Variants in IGSF10 observed in about 807,000 individuals in gnomAD.
IGSF10 encodes the protein immunoglobulin superfamily member 10, also known as calvaria mechanical force protein 608.
Under a neutral mutation model 128.2 loss-of-function variants are expected in IGSF10, and 126 were observed. That is an observed-to-expected ratio of 0.98 (90% CI 0.85 to 1.14). The LOEUF (loss-of-function observed/expected upper bound fraction) is 1.14, where lower values mean the gene tolerates loss of function less well. Ranked by LOEUF, IGSF10 falls within the 50% of genes most tolerant of loss-of-function variation. IGSF10 has a pLI of 0.00. For synonymous variants in IGSF10, 1,185 were observed against 1,146.2 expected (o/e 1.03, Z -0.68); for missense variants, 3,295 against 3,149.8 (o/e 1.05, Z -1.10).
the IGSF10 span, among the ~76,000 whole-genome samples, chr3:151,608,731 A>C: frequency 6.6e-6 from 1 of 152,196 alleles, no homozygotes; most frequent in African/African-American, 2.4e-5. Context: ...AATAAGGAGA[A>C]TATTTCCCTT....
At chr3:151,449,699 G>A (rs1179175169) in intron 5 of IGSF10, among the ~76,000 whole-genome samples, 2 of 152,156 alleles carry the variant, frequency 1.3e-5, no homozygotes, top group African/African-American at 4.8e-5. Flanking sequence ...AAGATAAGCT[G>A]TTTATTAAAG....
At chr3:151,454,611 C>G (rs967771462) in intron 4 of IGSF10, among the ~76,000 whole-genome samples, 7 of 150,914 alleles carry the variant, frequency 4.6e-5, no homozygotes, top group Admixed American at 4.6e-4. Flanking sequence ...CTTAGTATTT[C>G]AAGTAAATTT....
the IGSF10 span, among the ~76,000 whole-genome samples, chr3:151,570,980 A>T: frequency 5.3e-5 from 8 of 152,148 alleles, no homozygotes; most frequent in Non-Finnish European, 1.0e-4. Flanking sequence ...AGCACCATTT[A>T]TTAAATAGGG....
the IGSF10 span, among the ~76,000 whole-genome samples, chr3:151,566,226 T>A: frequency 3.9e-5 from 6 of 152,030 alleles, no homozygotes; most frequent in Non-Finnish European, 7.4e-5. Flanking sequence ...GTTTATGAAT[T>A]AGGAAGCAGG....
At chr3:151,578,579 G>T in the IGSF10 span, among the ~76,000 whole-genome samples, 1 of 152,160 alleles carries the variant, frequency 6.6e-6, no homozygotes, top group Non-Finnish European at 1.5e-5. Flanking sequence ...TGAGATCAAG[G>T]CAGTAGACCA....
the IGSF10 span, among the ~76,000 whole-genome samples, chr3:151,571,190 T>C: frequency 0.071 from 10,759 of 152,176 alleles, 851 homozygotes; most frequent in African/African-American, 0.19. Flanking sequence ...GTTCTTTTGG[T>C]TTAAGATTGT....
At chr3:151,515,621 T>TA in the IGSF10 span, among the ~76,000 whole-genome samples, 40 of 150,868 alleles carry the variant, frequency 2.7e-4, no homozygotes, top group African/African-American at 9.2e-4. Context: ...AAGTATAATA[T>TA]AAAAAATAAA....
At chr3:151,513,500 C>G in the IGSF10 span, among the ~76,000 whole-genome samples, 26 of 152,288 alleles carry the variant, frequency 1.7e-4, no homozygotes, top group African/African-American at 6.0e-4. Context: ...ATGACAGACC[C>G]TCAGCCAATA....
At chr3:151,570,964 T>G in the IGSF10 span, among the ~76,000 whole-genome samples, 1 of 152,226 alleles carries the variant, frequency 6.6e-6, no homozygotes, top group Non-Finnish European at 1.5e-5. Flanking sequence ...GCTAGCCAGT[T>G]TTCCCAGCAC....
the IGSF10 span, among the ~76,000 whole-genome samples, chr3:151,618,171 T>C: frequency 6.6e-6 from 1 of 152,094 alleles, no homozygotes; most frequent in Non-Finnish European, 1.5e-5. Flanking sequence ...GATCTCTCTC[T>C]CTCACTGTGG....
At chr3:151,465,586 A>G (rs1021341803), upstream of IGSF10, among the ~76,000 whole-genome samples, 3 of 152,228 alleles carry the variant, frequency 2.0e-5, no homozygotes, top group Non-Finnish European at 4.4e-5. Flanking sequence ...ACTTTACTAT[A>G]TAACATATTA....
At chr3:151,442,318 A>C (rs1720901000) in intron 7 of IGSF10, among the ~76,000 whole-genome samples, 2 of 152,042 alleles carry the variant, frequency 1.3e-5, no homozygotes, top group Non-Finnish European at 2.9e-5. Flanking sequence ...TCTCCACTGC[A>C]TCATAAAAAT....
intron 7 of IGSF10, among the ~76,000 whole-genome samples, chr3:151,441,365 ACATTT>A (rs1478344124): frequency 6.6e-6 from 1 of 152,246 alleles, no homozygotes; most frequent in African/African-American, 2.4e-5. Flanking sequence ...CACAAAACTC[ACATTT>A]CATAACTCAG....
chr3:151,596,773 G>A, the IGSF10 span, among the ~76,000 whole-genome samples: 1 of 152,262 alleles, frequency 6.6e-6, no homozygotes, highest in Admixed American at 6.5e-5. Flanking sequence ...TAAGATGATG[G>A]GTGAGCATGT....
At chr3:151,432,939 C>G, downstream of IGSF10, 1 of 481,880 alleles carries the variant, frequency 2.1e-6, no homozygotes, top group Non-Finnish European at 3.2e-6. Context: ...TGCTACATCT[C>G]ACAAAAAAAA....
At chr3:151,619,388 A>G in the IGSF10 span, among the ~76,000 whole-genome samples, 1 of 151,996 alleles carries the variant, frequency 6.6e-6, no homozygotes, top group Non-Finnish European at 1.5e-5. Context: ...AGAAAAAGCA[A>G]ATTATAAAAT....
At chr3:151,580,321 A>G in the IGSF10 span, among the ~76,000 whole-genome samples, 1 of 152,222 alleles carries the variant, frequency 6.6e-6, no homozygotes, top group African/African-American at 2.4e-5. Context: ...TTTCACTATA[A>G]GAGAACTTAA....
At chr3:151,572,409 G>T in the IGSF10 span, among the ~76,000 whole-genome samples, 1 of 152,116 alleles carries the variant, frequency 6.6e-6, no homozygotes, top group African/African-American at 2.4e-5. Context: ...CCTGTTATTG[G>T]TCTATTCAGG....
chr3:151,489,082 A>G, the IGSF10 span, among the ~76,000 whole-genome samples: 2 of 152,364 alleles, frequency 1.3e-5, no homozygotes, highest in South Asian at 4.1e-4. Context: ...CTATCTGACA[A>G]AGGGCTAATA....
Sources: gnomAD v4.1 joint callset for allele counts (sites outside exome capture counted in the v4.1 genomes callset) on GRCh38, gnomAD v4.1.1 for gene constraint, MANE v1.5 for transcripts, NCBI Gene and HGNC (gene_info 2026-07-23, HGNC 2026-07-21) for gene names.